The following GPR158 variants were observed in gnomAD, a reference collection of about 807,000 sequenced individuals.
GPR158 encodes G protein-coupled receptor 158.
A neutral mutation model predicts 78.2 loss-of-function variants in GPR158; 30 were observed. The observed-to-expected ratio is 0.38, with a 90% CI of 0.29 to 0.52. GPR158 has a LOEUF of 0.52. Ranked by LOEUF, GPR158 falls within the 20% of genes least tolerant of loss-of-function variation. The pLI is 0.83. For synonymous variants in GPR158, 581 were observed against 591.1 expected (o/e 0.98, Z 0.25); for missense variants, 1,463 against 1,523.5 (o/e 0.96, Z 0.66).
At chr10:25,304,773 C>T (rs1043673935) in intron 2 of GPR158, among the ~76,000 whole-genome samples, 3 of 152,110 alleles carry the variant, frequency 2.0e-5, no homozygotes, top group Admixed American at 6.6e-5. Context: ...TGTAGAGGCA[C>T]CTCTCTTTGG....
intron 4 of GPR158, 60 bp from the exon 5 acceptor site, chr10:25,466,591 G>A (rs1835427034): frequency 2.3e-5 from 25 of 1,068,564 alleles, no homozygotes; most frequent in South Asian, 6.8e-5. Context: ...TCACAATAGC[G>A]TGAATTCTCC....
chr10:25,332,119 G>C (rs1043992538), intron 2 of GPR158, among the ~76,000 whole-genome samples: 2 of 151,890 alleles, frequency 1.3e-5, no homozygotes, highest in Non-Finnish European at 2.9e-5. Flanking sequence ...TCACCTGGGG[G>C]GGGGCGAATA....
chr10:25,564,034 T>G (rs1270198234), intron 6 of GPR158, among the ~76,000 whole-genome samples: 1 of 152,198 alleles, frequency 6.6e-6, no homozygotes, highest in Non-Finnish European at 1.5e-5. Flanking sequence ...CTTTCCAGGC[T>G]GGTTTGTTAA....
chr10:25,238,001 CTT>C lies in GPR158; in HGVS notation c.1008+16847_1008+16848del, dbSNP rs373813705. Among the ~76,000 whole-genome samples, 314 of 152,042 alleles carry C rather than the reference CTT, an allele frequency of 2.1e-3. 5 individuals carry two copies. Among genetic ancestry groups the C allele is most frequent in the African/African-American group, 7.4e-3 (307 of 41,468 alleles). On this transcript the variant is annotated intron_variant, in intron 2 of 10. Coordinates refer to ENST00000376351, the MANE Select transcript of GPR158 (RefSeq NM_020752.3). ...ACTTCACTGTCTCTTCTGTTTTCTT[CTT>C]TTCTCTCTTCTCTGCTCTCTTCCTT...
intron 2 of GPR158, among the ~76,000 whole-genome samples, chr10:25,318,483 G>A (rs67570860): frequency 0.051 from 7,696 of 151,836 alleles, 222 homozygotes; most frequent in African/African-American, 0.079. Flanking sequence ...CCTTCATTCC[G>A]TTCTTCTTTC....
chr10:25,593,484 C>T (rs187971211), intron 8 of GPR158, among the ~76,000 whole-genome samples: 174 of 152,080 alleles, frequency 1.1e-3, no homozygotes, highest in Non-Finnish European at 1.8e-3. Flanking sequence ...TTTGCTTTCA[C>T]GGATAAACAA....
intron 2 of GPR158, among the ~76,000 whole-genome samples, chr10:25,386,609 C>T (rs1442344301): frequency 6.6e-6 from 1 of 151,964 alleles, no homozygotes; most frequent in African/African-American, 2.4e-5. Context: ...TTATTTATGT[C>T]TTTTAACATT....
intron 4 of GPR158, among the ~76,000 whole-genome samples, chr10:25,461,427 C>T (rs1835357496): frequency 6.6e-6 from 1 of 152,202 alleles, no homozygotes; most frequent in Non-Finnish European, 1.5e-5. Context: ...ACAACACTGC[C>T]TTAAGCCAAA....
rs79589681 is a variant in GPR158 at position 25,457,139 on chromosome 10, C to A, written c.1336-9512C>A. The stretch of plus-strand genomic sequence containing the variant: ...AGGTGCCTGCCAGCCACCATGCCCA[C>A]CTTTTTTTTTTTTTTTTTTTTTTTT... On this transcript the variant is annotated intron_variant, in intron 4 of 10. Coordinates refer to ENST00000376351, the MANE Select transcript of GPR158 (RefSeq NM_020752.3). Among the ~76,000 whole-genome samples the A allele has an allele frequency of 7.1e-3, 631 of 88,390 alleles. 29 individuals are homozygous for A. In the East Asian group the frequency reaches 0.19, roughly 27 times the overall value. The allele number at this position is 88,390 out of a possible 152,430, so 58.0% of individuals were successfully genotyped here.
intron 1 of GPR158, among the ~76,000 whole-genome samples, chr10:25,198,160 T>C (rs1352813902): frequency 2.0e-5 from 3 of 152,170 alleles, no homozygotes; most frequent in African/African-American, 7.2e-5. Flanking sequence ...TATTTGTGGG[T>C]AGAGGATAGA....
At chr10:25,392,638 A>G (rs527976863) in intron 2 of GPR158, among the ~76,000 whole-genome samples, 1 of 152,310 alleles carries the variant, frequency 6.6e-6, no homozygotes, top group South Asian at 2.1e-4. Flanking sequence ...CAAACTAAAC[A>G]TTAGTTGAGC....
intron 5 of GPR158, among the ~76,000 whole-genome samples, chr10:25,479,765 A>G (rs113405342): frequency 0.078 from 11,878 of 152,072 alleles, 1,072 homozygotes; most frequent in African/African-American, 0.22. Flanking sequence ...TTCCCTTTCA[A>G]TATATAGATT....
chr10:25,295,560 C>T (rs1173679794), intron 2 of GPR158, among the ~76,000 whole-genome samples: 1 of 152,036 alleles, frequency 6.6e-6, no homozygotes, highest in East Asian at 1.9e-4. Context: ...ACTACAGGCG[C>T]CCGCCACTAC....
intron 2 of GPR158, among the ~76,000 whole-genome samples, chr10:25,384,484 A>T (rs1423404822): frequency 2.0e-5 from 3 of 152,206 alleles, no homozygotes; most frequent in Non-Finnish European, 1.5e-5. Context: ...AATTCTGTTC[A>T]TGGTGTTCAG....
intron 2 of GPR158, among the ~76,000 whole-genome samples, chr10:25,374,712 G>T (rs933475878): frequency 6.6e-6 from 1 of 151,636 alleles, no homozygotes; most frequent in African/African-American, 2.4e-5. Flanking sequence ...TGTCCAAGTT[G>T]TTGTGTGTAT....
At chr10:25,249,780 T>C (rs1215118097) in intron 2 of GPR158, among the ~76,000 whole-genome samples, 1 of 152,104 alleles carries the variant, frequency 6.6e-6, no homozygotes, top group East Asian at 1.9e-4. Flanking sequence ...TCTCTTTTTT[T>C]GTTCTGTCTC....
At chr10:25,243,806 T>G (rs1853656246) in intron 2 of GPR158, among the ~76,000 whole-genome samples, 1 of 152,224 alleles carries the variant, frequency 6.6e-6, no homozygotes, top group Admixed American at 6.5e-5. Flanking sequence ...GCATGTTTAT[T>G]GGATGTTTGA....
intron 4 of GPR158, among the ~76,000 whole-genome samples, chr10:25,428,963 G>C (rs556815010): frequency 6.6e-6 from 1 of 152,082 alleles, no homozygotes; most frequent in Admixed American, 6.6e-5. Flanking sequence ...TGTGAAATAT[G>C]CGTAGGGCCA....
At chr10:25,565,343 A>G (rs995815909) in intron 6 of GPR158, among the ~76,000 whole-genome samples, 4 of 152,212 alleles carry the variant, frequency 2.6e-5, no homozygotes, top group Admixed American at 2.6e-4. Context: ...ACTATCAGAC[A>G]AAGATGTAAA....
Sources: allele counts gnomAD v4.1 joint callset (sites outside exome capture counted in the v4.1 genomes callset), GRCh38; gene constraint gnomAD v4.1.1; transcripts MANE v1.5; gene names NCBI Gene and HGNC (gene_info 2026-07-23, HGNC 2026-07-21).